Variants in KANSL1L observed in about 807,000 individuals in gnomAD.
KANSL1L encodes the protein KAT8 regulatory NSL complex subunit 1 like.
In KANSL1L, 25 loss-of-function variants were observed where a neutral mutation model predicts 108.6. That is an observed-to-expected ratio of 0.23 (90% CI 0.17 to 0.32). The LOEUF is 0.32. KANSL1L is among the 10% of genes least tolerant of loss of function. The probability of loss-of-function intolerance (pLI) is 1.00; values close to 1 mark genes in which losing one functional copy is unlikely to be tolerated. For missense variants in KANSL1L, 1,137 were observed against 1,125.7 expected, an observed-to-expected ratio of 1.01 and a Z score of -0.14; for synonymous variants, 405 against 395.1, an observed-to-expected ratio of 1.03 and a Z score of -0.30.
At chr2:210,025,003 C>T in intron 13 of KANSL1L, 101 bp downstream of exon 13, 1 of 738,322 alleles carries the variant, frequency 1.4e-6, no homozygotes, top group East Asian at 2.5e-5. Context: ...GATGTTACAA[C>T]AGCATGTTTT....
intron 8 of KANSL1L, among the ~76,000 whole-genome samples, chr2:210,031,981 TA>T (rs1464988565): frequency 1.3e-5 from 2 of 152,162 alleles, no homozygotes; most frequent in Non-Finnish European, 2.9e-5. Flanking sequence ...GCATCATCTG[TA>T]AAATAGGGAT....
chr2:210,154,410 A>G lies in KANSL1L; in HGVS notation c.173T>C (p.Leu58Pro), dbSNP rs777147277. 1 of 1,612,360 alleles carries G rather than the reference A, an allele frequency of 6.2e-7. No homozygotes were observed. The highest frequency in any genetic ancestry group is 8.5e-7 in the Non-Finnish European group (1 of 1,179,346). The part of the protein sequence containing the change: ...MLGFPTPEPT[L>P]NTNFVNLKHF... ...TTTTAAATTCACAAAATTAGTATTA[A>G]GAGTAGGTTCAGGAGTTGGAAATCC... Residue 58 changes from leucine (L) to proline (P), a missense_variant, in exon 2 of 15, where the codon CTT becomes CCT. Physicochemically the swap from Leu to Pro is moderately conservative, Grantham distance 98 (BLOSUM62 -3). This residue lies in a region of KANSL1L where 556 missense variants were observed against 537.7 expected (regional missense o/e 1.03). Coordinates refer to ENST00000281772, the MANE Select transcript of KANSL1L (RefSeq NM_152519.4).
intron 6 of KANSL1L, among the ~76,000 whole-genome samples, chr2:210,063,074 G>A (rs1229903503): frequency 6.6e-6 from 1 of 152,192 alleles, no homozygotes; most frequent in Non-Finnish European, 1.5e-5. Context: ...GCTGTGTGCA[G>A]CCTAGGAACT....
chr2:210,073,604 T>C (rs1001046851), intron 6 of KANSL1L, among the ~76,000 whole-genome samples: 4 of 152,212 alleles, frequency 2.6e-5, no homozygotes, highest in Middle Eastern at 3.4e-3. Flanking sequence ...AATAGCTACA[T>C]GTGTCTAGGA....
chr2:210,170,467 G>T (rs1345203784), intron 1 of KANSL1L: 9 of 791,512 alleles, frequency 1.1e-5, no homozygotes, highest in Non-Finnish European at 1.4e-5. Flanking sequence ...TTTCTGAAAC[G>T]GCCAGGATAC....
intron 6 of KANSL1L, among the ~76,000 whole-genome samples, chr2:210,065,530 A>G (rs562714681): frequency 6.6e-6 from 1 of 151,064 alleles, no homozygotes; most frequent in African/African-American, 2.4e-5. Flanking sequence ...ACCCTTCATT[A>G]ACACCTCAGA....
chr2:210,089,513 C>T (rs375758282), intron 5 of KANSL1L, among the ~76,000 whole-genome samples: 12 of 151,994 alleles, frequency 7.9e-5, no homozygotes, highest in African/African-American at 1.4e-4. Context: ...TTAGAAAATA[C>T]GTTCCATTAA....
chr2:210,050,813 G>A (rs945382493), intron 6 of KANSL1L, among the ~76,000 whole-genome samples: 2 of 151,988 alleles, frequency 1.3e-5, no homozygotes, highest in East Asian at 1.9e-4. Context: ...GCAGAGAACT[G>A]TGATTGTACC....
intron 2 of KANSL1L, chr2:210,152,261 C>T (rs1201941342): frequency 1.3e-5 from 2 of 152,054 alleles, no homozygotes; most frequent in Non-Finnish European, 2.9e-5. Context: ...TAATAGATCC[C>T]CTGAAAACTA....
chr2:210,067,408 T>A (rs959037559), intron 6 of KANSL1L, among the ~76,000 whole-genome samples: 2 of 152,082 alleles, frequency 1.3e-5, no homozygotes, highest in Non-Finnish European at 2.9e-5. Flanking sequence ...TAAGAATAGA[T>A]GTATGTTAGT....
intron 6 of KANSL1L, among the ~76,000 whole-genome samples, chr2:210,072,913 A>G (rs915668587): frequency 2.0e-5 from 3 of 152,132 alleles, no homozygotes; most frequent in African/African-American, 7.2e-5. Flanking sequence ...ATGATTGCAA[A>G]ATGATTCTCT....
At position 210,112,444 on chromosome 2, in the gene KANSL1L, C is replaced by G. The variant is rs556522369; in HGVS notation, c.1231-8143G>C. Among the ~76,000 whole-genome samples, 12 of 152,214 alleles carry G rather than the reference C, an allele frequency of 7.9e-5. No homozygotes were observed. The South Asian group carries it at 2.5e-3, about 32-fold the overall frequency. ...TATCAAACAAAACAATAAAACACAT[C>G]TTTAAAGTGCTAAAGAAAAATAACT... On this transcript the variant is annotated intron_variant, in intron 3 of 14. Coordinates refer to ENST00000281772, the MANE Select transcript of KANSL1L (RefSeq NM_152519.4).
chr2:210,154,695 G>T, intron 1 of KANSL1L, 84 bp from the exon 2 acceptor site: 1 of 735,946 alleles, frequency 1.4e-6, no homozygotes. Flanking sequence ...CATGTTCAAT[G>T]TTTCTGATTA....
intron 5 of KANSL1L, among the ~76,000 whole-genome samples, chr2:210,085,300 T>C (rs528329335): frequency 6.6e-6 from 1 of 152,330 alleles, no homozygotes; most frequent in South Asian, 2.1e-4. Context: ...AAGCTGAGAA[T>C]ATGTGGGTTC....
intron 8 of KANSL1L, among the ~76,000 whole-genome samples, chr2:210,038,233 G>A (rs568123107): frequency 1.2e-3 from 188 of 152,118 alleles, no homozygotes; most frequent in Middle Eastern, 6.8e-3. Context: ...TAGATTCTTG[G>A]AAATGGAATA....
At chr2:210,131,624 A>G (rs1378234152) in intron 2 of KANSL1L, among the ~76,000 whole-genome samples, 1 of 152,158 alleles carries the variant, frequency 6.6e-6, no homozygotes, top group Admixed American at 6.6e-5. Flanking sequence ...ACTAAATTAT[A>G]CTAATATAGA....
intron 3 of KANSL1L, among the ~76,000 whole-genome samples, chr2:210,124,469 A>G (rs1046395212): frequency 1.3e-5 from 2 of 152,094 alleles, no homozygotes; most frequent in African/African-American, 4.8e-5. Context: ...AACAAAACAT[A>G]CCAAAATTTA....
intron 5 of KANSL1L, among the ~76,000 whole-genome samples, chr2:210,096,045 G>A (rs2094732891): frequency 6.6e-6 from 1 of 152,070 alleles, no homozygotes; most frequent in Non-Finnish European, 1.5e-5. Flanking sequence ...ATTTTCATAG[G>A]TTTTGAACTT....
chr2:210,036,584 C>G (rs1391228660), intron 8 of KANSL1L, among the ~76,000 whole-genome samples: 2 of 152,156 alleles, frequency 1.3e-5, no homozygotes, highest in Admixed American at 6.5e-5. Flanking sequence ...ACCTTTGATT[C>G]TTCAGCACTT....
Sources: gnomAD v4.1 joint callset for allele counts (sites outside exome capture counted in the v4.1 genomes callset) on GRCh38, gnomAD v4.1.1 for gene constraint, gnomAD v4.1.1 regional missense constraint, MANE v1.5 for transcripts, NCBI Gene and HGNC (gene_info 2026-07-23, HGNC 2026-07-21) for gene names.